The following TOMM7 variants were observed in gnomAD, a reference collection of about 807,000 sequenced individuals.
The protein encoded by TOMM7 is translocase of outer mitochondrial membrane 7, also known as mitochondrial import receptor subunit TOM7 homolog.
TOMM7 carries 8 observed loss-of-function variants against 9.5 expected under a neutral mutation model. The observed-to-expected ratio is 0.84, with a 90% CI of 0.49 to 1.51. The LOEUF is 1.51. Ranked by LOEUF, TOMM7 falls within the 40% of genes most tolerant of loss-of-function variation. TOMM7 has a pLI of 0.00. For missense variants in TOMM7, 74 were observed against 63.7 expected (o/e 1.16, Z -0.55); for synonymous variants, 27 against 21.4 (o/e 1.26, Z -0.72).
chr7:22,816,579 G>A (rs1228992390), intron 2 of TOMM7, among the ~76,000 whole-genome samples: 2 of 152,260 alleles, frequency 1.3e-5, no homozygotes, highest in African/African-American at 4.8e-5. Context: ...GAAGAAGGTA[G>A]TGTGTGAAGA....
At chr7:22,815,891 G>A (rs1212905242) in intron 2 of TOMM7, among the ~76,000 whole-genome samples, 1 of 150,876 alleles carries the variant, frequency 6.6e-6, no homozygotes, top group Non-Finnish European at 1.5e-5. Flanking sequence ...AAAGAAGGAA[G>A]AGATTTACAG....
In TOMM7 at chr7:22,822,105, A is replaced by AT. The variant is rs559896070; in HGVS notation, c.103+571dup. The AT allele has an allele frequency of 3.9e-4, 606 of 1,545,380 alleles. 3 individuals carry two copies. In the South Asian group the frequency reaches 6.8e-3, roughly 17 times the overall value. On this transcript the variant is annotated intron_variant, in intron 1 of 2. Coordinates refer to ENST00000358435, the MANE Select transcript of TOMM7 (RefSeq NM_019059.5). ...TGAGCCCCTAACTCCCTCAGTCAGC[A>AT]TAGCTGTGCGACCTTGGCAAAAAAG...
intron 1 of TOMM7, among the ~76,000 whole-genome samples, chr7:22,819,580 A>G (rs769767118): frequency 8.5e-5 from 13 of 152,212 alleles, no homozygotes; most frequent in Non-Finnish European, 1.8e-4. Context: ...CATGTTGGTC[A>G]GCCTGGTCTC....
rs28662435 is a variant in TOMM7, at chr7:22,815,406, A to C, written c.153-2221T>G. On this transcript the variant is annotated intron_variant, in intron 2 of 2. Coordinates refer to ENST00000358435, the MANE Select transcript of TOMM7 (RefSeq NM_019059.5). ...TTTGTCAATTCCTGTCCAAAGGACC[A>C]CCAAGACGGCCAGGTGCTGTGGCTC... 5.6e-3 allele frequency among the ~76,000 whole-genome samples: 853 copies of C among 152,246 alleles called. 6 individuals carry two copies. The highest frequency in any genetic ancestry group is 0.019 in the African/African-American group (809 of 41,556).
chr7:22,816,499 C>T (rs1782318647), intron 2 of TOMM7, among the ~76,000 whole-genome samples: 1 of 152,122 alleles, frequency 6.6e-6, no homozygotes, highest in Non-Finnish European at 1.5e-5. Context: ...GAAAAAAGGA[C>T]TTAGTGGGGA....
chr7:22,818,148 A>T (rs2128182372), intron 1 of TOMM7, 100 bp from the exon 2 acceptor site: 1 of 1,142,202 alleles, frequency 8.8e-7, no homozygotes, highest in Non-Finnish European at 1.3e-6. Context: ...CCAACCTAGG[A>T]TAGTTAGAAT....
Position 22,822,766 on chromosome 7 carries a change from C to A in TOMM7, c.14G>T (p.Ser5Ile). Residue 5 changes from serine to isoleucine, a missense_variant, in exon 1 of 3, where the codon AGC becomes ATC. Transcript: ENST00000358435. Reference sequence around the variant, plus strand: ...CTGTAGTCTCTGCTTGGCCTCTTTGCTCAGCTTCACCATGGCGACGGCCGT... The same window carrying A: ...CTGTAGTCTCTGCTTGGCCTCTTTGATCAGCTTCACCATGGCGACGGCCGT... MVKL[S>I]KEAKQRLQQL... 1.2e-6 allele frequency: 2 copies of A among 1,614,192 alleles called. No homozygotes were observed. Among genetic ancestry groups the A allele is most frequent in the Non-Finnish European group, 1.7e-6 (2 of 1,180,018 alleles).
In TOMM7 at chr7:22,822,799, A is replaced by T; in HGVS notation, c.-20T>A. 1 of 1,601,600 alleles carries T rather than the reference A, an allele frequency of 6.2e-7. No homozygotes were observed. Among genetic ancestry groups the T allele is most frequent in the Non-Finnish European group, 8.6e-7 (1 of 1,168,596 alleles). On this transcript the variant is annotated 5_prime_UTR_variant, in exon 1 of 3. Coordinates refer to ENST00000358435, the MANE Select transcript of TOMM7 (RefSeq NM_019059.5). Reference sequence around the variant, plus strand: ...CACCATGGCGACGGCCGTGTGGCGCAGGGAGGACCCCTTACAGCAACCACA... The same window carrying T: ...CACCATGGCGACGGCCGTGTGGCGCTGGGAGGACCCCTTACAGCAACCACA...
rs542970471 is a variant in TOMM7, at chr7:22,822,653, TTTCCCGG to T, written c.103+17_103+23del. On this transcript the variant is annotated intron_variant, in intron 1 of 2. Transcript: ENST00000358435. ...CCGCCACCCTCTTCCCTCCAGTCACTTTCCCGGTTCTTCTCCCACTGACCCAGGTAAA... is the reference window on the plus strand; with the variant it reads ...CCGCCACCCTCTTCCCTCCAGTCACTTTCTTCTCCCACTGACCCAGGTAAA... 3.2e-4 allele frequency: 519 copies of T among 1,600,948 alleles called. 1 individual carries two copies. The East Asian group carries it at 0.011, about 35-fold the overall frequency.
chr7:22,821,675 G>A (rs1292657814), intron 1 of TOMM7, among the ~76,000 whole-genome samples: 3 of 151,630 alleles, frequency 2.0e-5, no homozygotes, highest in Admixed American at 6.6e-5. Flanking sequence ...GCTTGATCCC[G>A]AGAGGCAGAG....
rs573932712 is a variant in TOMM7, at chr7:22,819,471, A to G, written c.104-1423T>C. On this transcript the variant is annotated intron_variant, in intron 1 of 2. Transcript: ENST00000358435. ...CAACCTTCACCTACTCCCGGGTTCA[A>G]GCGATTCTCCTGCCTCAGCCTCCTG... is the stretch of plus-strand genomic sequence containing the variant. Among the ~76,000 whole-genome samples the G allele has an allele frequency of 9.2e-4, 140 of 152,280 alleles. 1 individual carries two copies. Among genetic ancestry groups the G allele is most frequent in the African/African-American group, 3.3e-3 (139 of 41,560 alleles).
At chr7:22,813,670 G>A (rs1782278187) in intron 2 of TOMM7, among the ~76,000 whole-genome samples, 1 of 151,616 alleles carries the variant, frequency 6.6e-6, no homozygotes, top group Non-Finnish European at 1.5e-5. Flanking sequence ...TGGGTAGAGT[G>A]CGATGTGGCC....
chr7:22,822,508 C>T (rs113404974), intron 1 of TOMM7, among the ~76,000 whole-genome samples, 169 bp downstream of exon 1: 1 of 152,322 alleles, frequency 6.6e-6, no homozygotes, highest in South Asian at 2.1e-4. Flanking sequence ...AGCGATAGAA[C>T]GGGAACTCGA....
At position 22,813,170 on chromosome 7, in the gene TOMM7, T is replaced by C; in HGVS notation, c.168A>G (p.Ter56=). The C allele has an allele frequency of 1.2e-6, 2 of 1,613,552 alleles. No homozygotes were observed. The highest frequency in any genetic ancestry group is 1.7e-6 in the Non-Finnish European group (2 of 1,179,784). The part of the protein sequence containing the change: ...EPTVLSLLWG[*] ...CAAATCCAGAAGACCAAATAATCCT[T>C]TATCCCCAAAGTAGGCTAAAATGTT... is the stretch of plus-strand genomic sequence containing the variant. Residue 56 remains the stop codon, a stop_retained_variant, in exon 3 of 3, where the codon TAA becomes TAG. Coordinates refer to ENST00000358435, the MANE Select transcript of TOMM7 (RefSeq NM_019059.5).
At chr7:22,822,171 T>A in intron 1 of TOMM7, 1 of 1,550,670 alleles carries the variant, frequency 6.4e-7, no homozygotes, top group Non-Finnish European at 8.7e-7. Flanking sequence ...ATGGGGGCAG[T>A]AATAGAAATC....
intron 1 of TOMM7, chr7:22,822,101 C>G (rs1782400960): frequency 1.8e-5 from 27 of 1,542,390 alleles, no homozygotes; most frequent in Non-Finnish European, 2.4e-5. Flanking sequence ...CTCCCTCAGT[C>G]AGCATAGCTG....
At chr7:22,820,787 A>G (rs1782377148) in intron 1 of TOMM7, among the ~76,000 whole-genome samples, 1 of 152,194 alleles carries the variant, frequency 6.6e-6, no homozygotes, top group African/African-American at 2.4e-5. Flanking sequence ...CAAAGTCACT[A>G]AAATCTAGAA....
rs1170622426 is a variant in TOMM7 at position 22,822,821 on chromosome 7, C to T, written c.-42G>A. ...CGCAGGGAGGACCCCTTACAGCAACCACAGCGTCGGGAATCCGAAAGGGAA... is the reference window on the plus strand; with the variant it reads ...CGCAGGGAGGACCCCTTACAGCAACTACAGCGTCGGGAATCCGAAAGGGAA... On this transcript the variant is annotated 5_prime_UTR_variant, in exon 1 of 3. Coordinates refer to ENST00000358435, the MANE Select transcript of TOMM7 (RefSeq NM_019059.5). The T allele has an allele frequency of 6.5e-7, 1 of 1,534,428 alleles. No homozygotes were observed. Among genetic ancestry groups the T allele is most frequent in the African/African-American group, 1.4e-5 (1 of 73,280 alleles).
chr7:22,819,102 TTAAGTA>T (rs1583463808), intron 1 of TOMM7, among the ~76,000 whole-genome samples: 1 of 152,302 alleles, frequency 6.6e-6, no homozygotes, highest in South Asian at 2.1e-4. Context: ...ACAAGTATGG[TTAAGTA>T]TATCTTTTAC....
Sources: gnomAD v4.1 joint callset for allele counts (sites outside exome capture counted in the v4.1 genomes callset) on GRCh38, gnomAD v4.1.1 for gene constraint, MANE v1.5 for transcripts, NCBI Gene and HGNC (gene_info 2026-07-23, HGNC 2026-07-21) for gene names.